TMEM131: variants seen among roughly 807,000 people sequenced by gnomAD.
TMEM131 encodes transmembrane protein 131, also known as 2610524E03Rik.
A neutral mutation model predicts 211.6 loss-of-function variants in TMEM131; 66 were observed. That is an observed-to-expected ratio of 0.31 (90% CI 0.26 to 0.38). The LOEUF (loss-of-function observed/expected upper bound fraction) is 0.38, where lower values mean the gene tolerates loss of function less well. Ranked by LOEUF, TMEM131 falls within the 10% of genes least tolerant of loss-of-function variation. TMEM131 has a pLI of 1.00. For missense variants in TMEM131, 2,036 were observed against 2,299.3 expected, an observed-to-expected ratio of 0.89 and a Z score of 2.34; for synonymous variants, 844 against 841.3, an observed-to-expected ratio of 1.00 and a Z score of -0.06.
chr2:97,851,087 G>A (rs895927094), intron 5 of TMEM131, among the ~76,000 whole-genome samples: 1 of 151,672 alleles, frequency 6.6e-6, no homozygotes, highest in Admixed American at 6.6e-5. Flanking sequence ...AGTCAGCACT[G>A]TACCATAGCT....
chr2:97,905,638 G>C (rs1676037231), intron 3 of TMEM131, among the ~76,000 whole-genome samples: 2 of 152,256 alleles, frequency 1.3e-5, no homozygotes, highest in South Asian at 4.1e-4. Flanking sequence ...CTTTTGCAAT[G>C]TCTAGGTTGT....
At chr2:97,980,293 A>G (rs948735032) in intron 1 of TMEM131, among the ~76,000 whole-genome samples, 3 of 152,248 alleles carry the variant, frequency 2.0e-5, no homozygotes, top group African/African-American at 4.8e-5. Flanking sequence ...GATTTGTGTC[A>G]GGCAGGATTG....
Position 97,944,188 on chromosome 2 carries a change from C to T in TMEM131, c.188-16701G>A, listed in dbSNP as rs1030469232. ...CCTCGCATTTATGGCCAATTGATTT[C>T]GGCACTCAATTGATGAATGCCAAGA... On this transcript the variant is annotated intron_variant, in intron 1 of 40. Transcript: ENST00000186436. 1.6e-4 allele frequency among the ~76,000 whole-genome samples: 24 copies of T among 152,204 alleles called. 1 individual carries two copies. The highest frequency in any genetic ancestry group is 1.4e-3 in the Admixed American group (22 of 15,290).
At chr2:97,833,654 CTTTTT>C (rs11341582) in intron 10 of TMEM131, among the ~76,000 whole-genome samples, 1 of 143,802 alleles carries the variant, frequency 7.0e-6, no homozygotes, top group Non-Finnish European at 1.5e-5. Flanking sequence ...AAAATATATA[CTTTTT>C]TTTTTTTTTT....
At position 97,758,865 on chromosome 2, in the gene TMEM131, GGCCCCA is replaced by G. The variant is rs559420960; in HGVS notation, c.5367+22_5367+27del. The G allele has an allele frequency of 3.1e-4, 493 of 1,586,202 alleles. 7 individuals are homozygous for G. In the Middle Eastern group the frequency reaches 3.9e-3, roughly 13 times the overall value. ...ATGGCGAGTGGGTGGGCCAGGTCCAGGCCCCAGCCCCAGCCCCAAGTACTCACTGTG... is the reference window on the plus strand; with the variant it reads ...ATGGCGAGTGGGTGGGCCAGGTCCAGGCCCCAGCCCCAAGTACTCACTGTG... On this transcript the variant is annotated intron_variant, in intron 40 of 40. Transcript: ENST00000186436.
chr2:97,846,681 T>C (rs1044706043), intron 5 of TMEM131, among the ~76,000 whole-genome samples: 1 of 152,216 alleles, frequency 6.6e-6, no homozygotes, highest in African/African-American at 2.4e-5. Flanking sequence ...TGGTGCCTTT[T>C]TATTTTAAAG....
chr2:97,793,200 T>G, intron 30 of TMEM131, 195 bp downstream of exon 30: 1 of 655,838 alleles, frequency 1.5e-6, no homozygotes, highest in Non-Finnish European at 2.5e-6. Flanking sequence ...ATTTTAACCC[T>G]TACCAATATA....
chr2:97,853,432 TAAAAAAA>T (rs55752619), intron 5 of TMEM131, among the ~76,000 whole-genome samples: 3 of 90,416 alleles, frequency 3.3e-5, no homozygotes, highest in African/African-American at 4.4e-5. Flanking sequence ...CCATCTCTAC[TAAAAAAA>T]AAAAAAAAAA....
intron 1 of TMEM131, among the ~76,000 whole-genome samples, chr2:97,988,347 T>C (rs2104670824): frequency 6.6e-6 from 1 of 152,254 alleles, no homozygotes; most frequent in Non-Finnish European, 1.5e-5. Context: ...GACCCAAAAC[T>C]ATAAAATGCC....
At chr2:97,986,654 T>C (rs1680041237) in intron 1 of TMEM131, among the ~76,000 whole-genome samples, 1 of 152,118 alleles carries the variant, frequency 6.6e-6, no homozygotes, top group Non-Finnish European at 1.5e-5. Context: ...AGAACTCCCC[T>C]ATATCTGAAA....
intron 1 of TMEM131, among the ~76,000 whole-genome samples, chr2:97,993,864 A>G (rs1171975058): frequency 1.3e-5 from 2 of 152,256 alleles, no homozygotes; most frequent in African/African-American, 2.4e-5. Flanking sequence ...AGTTTTTATT[A>G]GCATATAAAA....
chr2:97,809,625 C>T (rs1265218999), intron 19 of TMEM131, 63 bp downstream of exon 19: 8 of 1,122,946 alleles, frequency 7.1e-6, no homozygotes, highest in East Asian at 2.5e-5. Flanking sequence ...ATTCTAGGAA[C>T]ACAGAGCTAA....
intron 11 of TMEM131, chr2:97,827,570 A>C: frequency 2.2e-6 from 2 of 892,248 alleles, no homozygotes; most frequent in Non-Finnish European, 3.8e-6. Context: ...ACCATGTCTT[A>C]TCAGTGGTCC....
chr2:97,792,428 C>T lies in TMEM131; in HGVS notation c.4102G>A (p.Val1368Met). ...GGCGATGGAGGCTGCTCTGTAAACA[C>T]TTCTAGGGCTGGGGAGTCATGGTGG... Reference protein sequence around the residue: ...FDHHDSPALEVFTEQPPSPLP... With the variant: ...FDHHDSPALEMFTEQPPSPLP... Residue 1368 changes from valine to methionine, a missense_variant, in exon 31 of 41, where the codon GTG becomes ATG. Coordinates refer to ENST00000186436, the MANE Select transcript of TMEM131 (RefSeq NM_015348.2). 1 of 1,610,724 alleles carries T rather than the reference C, an allele frequency of 6.2e-7. No individual in the cohort carries two copies. Among genetic ancestry groups the T allele is most frequent in the South Asian group, 1.1e-5 (1 of 90,580 alleles).
rs1188228546 is a variant in TMEM131, at chr2:97,797,438, C to A, written c.2797G>T (p.Gly933Ter). Residue 933 changes from glycine to a stop codon, truncating the protein, a stop_gained, in exon 26 of 41, where the codon GGA (glycine) becomes TGA (stop). Transcript: ENST00000186436. LOFTEE classifies it high-confidence loss of function. ...HLILNLILKP[G>*]EKKSVKVKFT... ...TTTACTTTGACAGATTTCTTTTCTCCAGGTTTTAAAATTAGGTTTAAAATT... is the reference window on the plus strand; with the variant it reads ...TTTACTTTGACAGATTTCTTTTCTCAAGGTTTTAAAATTAGGTTTAAAATT... The A allele has an allele frequency of 6.2e-7, 1 of 1,612,918 alleles. No homozygotes were observed. Among genetic ancestry groups the A allele is most frequent in the Non-Finnish European group, 8.5e-7 (1 of 1,179,552 alleles).
At chr2:97,812,771 A>G in intron 15 of TMEM131, 22 bp from the exon 16 acceptor site, 1 of 1,360,588 alleles carries the variant, frequency 7.3e-7, no homozygotes, top group South Asian at 1.4e-5. Flanking sequence ...TAAAAGAACC[A>G]GATTAAAAAA....
chr2:97,984,761 A>C (rs962442713), intron 1 of TMEM131, among the ~76,000 whole-genome samples: 4 of 151,336 alleles, frequency 2.6e-5, no homozygotes, highest in African/African-American at 9.7e-5. Flanking sequence ...ATCAATACTC[A>C]TGAGGGATCA....
At chr2:97,774,492 G>A (rs1252960607) in intron 32 of TMEM131, among the ~76,000 whole-genome samples, 1 of 152,224 alleles carries the variant, frequency 6.6e-6, no homozygotes, top group African/African-American at 2.4e-5. Flanking sequence ...GGAATAACTC[G>A]TTGGAGGGGA....
In TMEM131 at chr2:97,811,372, T is replaced by G. The variant is rs530464766; in HGVS notation, c.1864-140A>C. ...ATGACACTGAATTACCATATCACTG[T>G]GTACAAATATCTCAAAATAGTGTCC... On this transcript the variant is annotated intron_variant, in intron 17 of 40. Coordinates refer to ENST00000186436, the MANE Select transcript of TMEM131 (RefSeq NM_015348.2). 1.2e-5 allele frequency: 8 copies of G among 658,088 alleles called. No homozygotes were observed. In the African/African-American group the frequency reaches 1.4e-4, roughly 12 times the overall value. 40.8% of individuals were successfully genotyped at this position (658,088 alleles called of 1,614,324 possible).
Sources: allele counts gnomAD v4.1 joint callset (sites outside exome capture counted in the v4.1 genomes callset), GRCh38; gene constraint gnomAD v4.1.1; transcripts MANE v1.5; gene names NCBI Gene and HGNC (gene_info 2026-07-23, HGNC 2026-07-21).